Variants in VPS13C observed in about 807,000 individuals in gnomAD.
VPS13C encodes the protein vacuolar protein sorting 13 homolog C.
VPS13C carries 358 observed loss-of-function variants against 456.8 expected under a neutral mutation model. The observed-to-expected ratio is 0.78, with a 90% CI of 0.72 to 0.86. VPS13C has a LOEUF of 0.86. Ranked by LOEUF, VPS13C falls within the 40% of genes least tolerant of loss-of-function variation. The pLI, the probability that VPS13C is intolerant of heterozygous loss-of-function variation, is 0.00. For missense variants in VPS13C, 4,818 were observed against 4,385.4 expected (o/e 1.10, Z -2.79); for synonymous variants, 1,578 against 1,486.7 (o/e 1.06, Z -1.41).
chr15:61,895,963 T>C (rs1473932156), intron 66 of VPS13C, among the ~76,000 whole-genome samples: 1 of 152,194 alleles, frequency 6.6e-6, no homozygotes, highest in Non-Finnish European at 1.5e-5. Context: ...GGATATTGAA[T>C]GTTCCTAACA....
chr15:62,004,263 C>T (rs955033306), intron 15 of VPS13C, among the ~76,000 whole-genome samples: 42 of 151,138 alleles, frequency 2.8e-4, no homozygotes, highest in South Asian at 8.4e-4. Context: ...GTGTATGTGT[C>T]GAGGAATTTA....
chr15:62,021,029 G>A (rs1034847240), intron 8 of VPS13C, among the ~76,000 whole-genome samples: 7 of 151,872 alleles, frequency 4.6e-5, no homozygotes, highest in Non-Finnish European at 7.4e-5. Flanking sequence ...TATCTTAAGT[G>A]AAACAACCCA....
chr15:61,932,991 C>A (rs925914938), intron 49 of VPS13C, among the ~76,000 whole-genome samples: 1 of 151,922 alleles, frequency 6.6e-6, no homozygotes, highest in African/African-American at 2.4e-5. Flanking sequence ...ATTTAGGAAA[C>A]TGAAGTTGTG....
intron 5 of VPS13C, 73 bp downstream of exon 5, chr15:62,033,368 C>G (rs2047881612): frequency 2.2e-6 from 2 of 927,070 alleles, no homozygotes; most frequent in South Asian, 5.7e-5. Context: ...CTTACAAAAG[C>G]ATCCTCTTTA....
chr15:61,897,619 C>T (rs1263697104), intron 66 of VPS13C, among the ~76,000 whole-genome samples: 1 of 152,012 alleles, frequency 6.6e-6, no homozygotes, highest in Admixed American at 6.6e-5. Context: ...ACTAAATCTA[C>T]GTCTGATTGG....
intron 18 of VPS13C, among the ~76,000 whole-genome samples, chr15:61,989,240 A>T (rs1424960008): frequency 6.6e-6 from 1 of 151,720 alleles, no homozygotes; most frequent in African/African-American, 2.4e-5. Flanking sequence ...AAAAAAAAAA[A>T]ATACAAAAAA....
chr15:62,041,172 T>C, intron 3 of VPS13C, 152 bp downstream of exon 3: 1 of 658,430 alleles, frequency 1.5e-6, no homozygotes. Context: ...ATATATAATA[T>C]ACATTAGGTT....
intron 21 of VPS13C, 52 bp downstream of exon 21, chr15:61,982,407 G>C: frequency 2.1e-6 from 3 of 1,415,740 alleles, no homozygotes; most frequent in Non-Finnish European, 2.9e-6. Context: ...CATTAGAGTA[G>C]GCAAAATTTT....
In VPS13C at chr15:61,963,853, C is replaced by T. The variant is rs747305996; in HGVS notation, c.3313G>A (p.Ala1105Thr). ...VIVCNEKNNI[A>T]EIKIQGLDSS... ...CTTTTACCTTGAATCTTGATTTCGG[C>T]GATATTGTTCTTTTCGTTGCAAACA... The change falls in exon 32 of 85, where the codon GCC becomes ACC. Residue 1105 changes from alanine to threonine, a missense_variant. Around this residue, in one of 3 missense-constraint regions of VPS13C, gnomAD observed 4,552 missense variants for 4,130.6 expected, o/e 1.10. Transcript: ENST00000644861. The T allele has an allele frequency of 6.2e-6, 10 of 1,608,524 alleles. No homozygotes were observed. The East Asian group carries it at 6.7e-5, about 11-fold the overall frequency.
Position 61,869,540 on chromosome 15 carries a change from T to C in VPS13C, c.10708A>G (p.Ile3570Val). The change falls in exon 80 of 85, where the codon ATC (isoleucine) becomes GTC (valine). Residue 3570 changes from isoleucine (I) to valine (V), a missense_variant. By Grantham distance (29) the Ile-to-Val change is conservative. This residue lies in a region of VPS13C where 261 missense variants were observed against 234.1 expected (regional missense o/e 1.11). Coordinates refer to ENST00000644861, the MANE Select transcript of VPS13C (RefSeq NM_020821.3). ...VGAVARPTGGIVDMASSTFQG... is the reference protein window; with the variant it reads ...VGAVARPTGGVVDMASSTFQG... ...AAGGTACTACTGGCCATATCTACGA[T>C]TCCACCAGTTGGACGGGCCACAGCA... 6.2e-7 allele frequency: 1 copy of C among 1,614,162 alleles called. No homozygotes were observed. Among genetic ancestry groups the C allele is most frequent in the South Asian group, 1.1e-5 (1 of 91,084 alleles).
intron 66 of VPS13C, among the ~76,000 whole-genome samples, chr15:61,896,218 C>G (rs535399916): frequency 1.1e-4 from 16 of 152,240 alleles, no homozygotes; most frequent in African/African-American, 3.9e-4. Context: ...CTACCAAACA[C>G]TTAAAAAATA....
At position 61,918,262 on chromosome 15, in the gene VPS13C, T is replaced by C; in HGVS notation, c.7639-5A>G. ...AATGGAGAAATGGTTTTTGATCTGT[T>C]GGACAAAAAAAAATACAAGTTTTTT... On this transcript the variant is annotated splice_polypyrimidine_tract_variant and splice_region_variant and intron_variant, in intron 58 of 84. Transcript: ENST00000644861. The C allele has an allele frequency of 6.5e-7, 1 of 1,532,966 alleles. No homozygotes were observed. The highest frequency in any genetic ancestry group is 2.4e-5 in the East Asian group (1 of 41,888). The allele number at this position is 1,532,966 out of a possible 1,614,324, so 95.0% of individuals were successfully genotyped here.
At chr15:61,935,636 T>C (rs558145926) in intron 48 of VPS13C, 3 of 152,358 alleles carry the variant, frequency 2.0e-5, no homozygotes, top group South Asian at 2.1e-4. Context: ...AGCCTTTTTA[T>C]CTAGCATTTG....
At chr15:61,909,857 C>T (rs1439781647) in intron 64 of VPS13C, among the ~76,000 whole-genome samples, 1 of 151,486 alleles carries the variant, frequency 6.6e-6, no homozygotes, top group Admixed American at 6.6e-5. Context: ...AACCATCATT[C>T]TCAGCAAACT....
chr15:61,923,861 C>CTTTTTTTTTTT lies in VPS13C; in HGVS notation c.6610-1110_6610-1100dup, dbSNP rs1188960583. Among the ~76,000 whole-genome samples the CTTTTTTTTTTT allele has an allele frequency of 2.4e-4, 18 of 75,124 alleles. 4 individuals are homozygous for CTTTTTTTTTTT. Among genetic ancestry groups the CTTTTTTTTTTT allele is most frequent in the Non-Finnish European group, 3.9e-4 (16 of 41,048 alleles). The allele number at this position is 75,124 out of a possible 152,430, so 49.3% of individuals were successfully genotyped here. A position where few individuals can be genotyped will look rare whatever the true frequency, so the allele number is the denominator to read the frequency against. On this transcript the variant is annotated intron_variant, in intron 53 of 84. Transcript: ENST00000644861. Reference sequence around the variant, plus strand: ...GCCATATGTGACCACCCCTCTAAATCTTTTTTTTTTTTTTTTTTTTTTGAG... The same window carrying CTTTTTTTTTTT: ...GCCATATGTGACCACCCCTCTAAATCTTTTTTTTTTTTTTTTTTTTTTTTTTTTTTTTTGAG...
At chr15:61,932,850 G>GGATTACTGATATGGTTTCCTGATGT (rs2044107298) in intron 49 of VPS13C, among the ~76,000 whole-genome samples, 2 of 152,152 alleles carry the variant, frequency 1.3e-5, no homozygotes, top group Non-Finnish European at 2.9e-5. Context: ...TTTCCTGATA[G>GGATTACTGATATGGTTTCCTGATGT]GATTACTGAT....
At chr15:61,870,854 G>A (rs1214056077) in intron 79 of VPS13C, among the ~76,000 whole-genome samples, 1 of 152,050 alleles carries the variant, frequency 6.6e-6, no homozygotes, top group Non-Finnish European at 1.5e-5. Flanking sequence ...GCATTTCCCT[G>A]TCGACTAATG....
intron 1 of VPS13C, among the ~76,000 whole-genome samples, chr15:62,058,334 G>A (rs1174400929): frequency 2.0e-5 from 3 of 152,162 alleles, no homozygotes; most frequent in Non-Finnish European, 4.4e-5. Flanking sequence ...CCTTAAATGT[G>A]TCTTTCTTTA....
At chr15:62,017,094 G>A (rs1417078243) in intron 9 of VPS13C, among the ~76,000 whole-genome samples, 1 of 152,178 alleles carries the variant, frequency 6.6e-6, no homozygotes, top group Non-Finnish European at 1.5e-5. Context: ...CTTCTTTTGA[G>A]AAGTGTCTGT....
Sources: gnomAD v4.1 joint callset for allele counts (sites outside exome capture counted in the v4.1 genomes callset) on GRCh38, gnomAD v4.1.1 for gene constraint, gnomAD v4.1.1 regional missense constraint, MANE v1.5 for transcripts, NCBI Gene and HGNC (gene_info 2026-07-23, HGNC 2026-07-21) for gene names.